BMP2K: variants seen among roughly 807,000 people sequenced by gnomAD.
BMP2K encodes BMP2 inducible kinase.
Under a neutral mutation model 116.0 loss-of-function variants are expected in BMP2K, and 74 were observed. The observed-to-expected ratio is 0.64, with a 90% CI of 0.53 to 0.77. The LOEUF (loss-of-function observed/expected upper bound fraction) is 0.77. BMP2K is among the 30% of genes least tolerant of loss of function. The probability of loss-of-function intolerance (pLI) is 0.00; values close to 1 mark genes in which losing one functional copy is unlikely to be tolerated. For missense variants in BMP2K, 1,365 were observed against 1,403.6 expected (o/e 0.97, Z 0.44); for synonymous variants, 486 against 502.5 (o/e 0.97, Z 0.44).
chr4:78,798,972 T>TA (rs1408310660), intron 1 of BMP2K, among the ~76,000 whole-genome samples: 1 of 152,262 alleles, frequency 6.6e-6, no homozygotes, highest in Admixed American at 6.5e-5. Context: ...ATATCCATAA[T>TA]AACATTATCA....
At position 78,865,647 on chromosome 4, in the gene BMP2K, G is replaced by T; in HGVS notation, c.1158G>T (p.Val386=). ...CTGCTACTACTGCCACTCCCAGTGT[G>T]CTGACCATTCAAAGTTCAGCAACAC... ...ANSATTATPS[V]LTIQSSATPV... is the part of the protein sequence containing the mutation. The change falls in exon 10 of 16, where the codon GTG becomes GTT. Residue 386 remains valine, a synonymous_variant. Coordinates refer to ENST00000502613, the MANE Select transcript of BMP2K (RefSeq NM_198892.2). The T allele has an allele frequency of 1.2e-6, 2 of 1,614,082 alleles. No individual in the cohort carries two copies. The highest frequency in any genetic ancestry group is 2.2e-5 in the South Asian group (2 of 91,072).
intron 15 of BMP2K, among the ~76,000 whole-genome samples, chr4:78,902,031 C>T (rs1306927388): frequency 6.6e-6 from 1 of 152,088 alleles, no homozygotes; most frequent in East Asian, 1.9e-4. Flanking sequence ...GATTGTCAGT[C>T]CAAATGCTGG....
intron 15 of BMP2K, among the ~76,000 whole-genome samples, chr4:78,893,140 A>G (rs1733529603): frequency 6.6e-6 from 1 of 152,218 alleles, no homozygotes; most frequent in African/African-American, 2.4e-5. Context: ...TGTTTATGTA[A>G]TATTCTAAAT....
At chr4:78,869,964 A>G (rs1477146865) in intron 10 of BMP2K, among the ~76,000 whole-genome samples, 8 of 151,890 alleles carry the variant, frequency 5.3e-5, no homozygotes, top group African/African-American at 1.7e-4. Context: ...CCCTCCTTGC[A>G]TTCTCTCCCC....
rs759735850 is a variant in BMP2K, at chr4:78,850,916, G to T, written c.751-8G>T. ...CTCTAATGATATTTATGCTTCTTTG[G>T]TTTACAGGCACTGGGATGTCTACTC... On this transcript the variant is annotated splice_polypyrimidine_tract_variant and splice_region_variant and intron_variant, in intron 6 of 15. Coordinates refer to ENST00000502613, the MANE Select transcript of BMP2K (RefSeq NM_198892.2). 6.2e-7 allele frequency: 1 copy of T among 1,609,720 alleles called. No individual in the cohort carries two copies. The highest frequency in any genetic ancestry group is 1.7e-5 in the Admixed American group (1 of 59,566).
intron 7 of BMP2K, among the ~76,000 whole-genome samples, chr4:78,851,530 A>G (rs1231153908): frequency 1.3e-5 from 2 of 152,074 alleles, no homozygotes; most frequent in Non-Finnish European, 2.9e-5. Flanking sequence ...TTTAACACGG[A>G]GTGTGTCTAG....
intron 1 of BMP2K, among the ~76,000 whole-genome samples, chr4:78,810,629 T>C (rs1227799606): frequency 6.6e-6 from 1 of 152,172 alleles, no homozygotes; most frequent in East Asian, 1.9e-4. Context: ...AGTCTTGGGC[T>C]TTTTGGTGAG....
At chr4:78,868,775 C>A (rs1577942635) in intron 10 of BMP2K, among the ~76,000 whole-genome samples, 1 of 152,292 alleles carries the variant, frequency 6.6e-6, no homozygotes, top group East Asian at 1.9e-4. Flanking sequence ...CCAAAATGAT[C>A]TCCTGTGACT....
Position 78,914,865 on chromosome 4 carries a change from C to T in BMP2K, c.*2832C>T, listed in dbSNP as rs1453024774. ...AAATTATTATGAAGCTAGCAAAAAT[C>T]TTGAGGCCAAAGTTGTTTCTTAACA... On this transcript the variant is annotated 3_prime_UTR_variant, in exon 16 of 16. Transcript: ENST00000502613. The T allele has an allele frequency of 2.6e-5, 4 of 151,764 alleles. No homozygotes were observed. The highest frequency in any genetic ancestry group is 6.6e-5 in the Admixed American group (1 of 15,226). 9.4% of individuals were successfully genotyped at this position (151,764 alleles called of 1,614,324 possible). A position where few individuals can be genotyped will look rare whatever the true frequency, so the allele number is the denominator to read the frequency against.
At chr4:78,808,843 T>C (rs1728946593) in intron 1 of BMP2K, among the ~76,000 whole-genome samples, 1 of 152,210 alleles carries the variant, frequency 6.6e-6, no homozygotes, top group Non-Finnish European at 1.5e-5. Flanking sequence ...TCAGTCTTTT[T>C]AAATTTATGG....
intron 7 of BMP2K, among the ~76,000 whole-genome samples, chr4:78,852,980 A>G (rs1426878292): frequency 6.6e-6 from 1 of 152,116 alleles, no homozygotes; most frequent in African/African-American, 2.4e-5. Flanking sequence ...CTCTGTGTTT[A>G]TAATATGTAA....
intron 7 of BMP2K, among the ~76,000 whole-genome samples, chr4:78,858,456 T>C (rs1731610135): frequency 6.6e-6 from 1 of 151,936 alleles, no homozygotes; most frequent in South Asian, 2.1e-4. Flanking sequence ...GCATTATAAA[T>C]ATATAAAATC....
chr4:78,849,983 G>T (rs17003468), intron 6 of BMP2K, among the ~76,000 whole-genome samples: 12,488 of 151,594 alleles, frequency 0.082, 1,715 homozygotes, highest in African/African-American at 0.29. Flanking sequence ...AAGCTGACTT[G>T]GTAATTTTTA....
chr4:78,887,310 C>A, intron 15 of BMP2K, 26 bp downstream of exon 15: 1 of 1,490,360 alleles, frequency 6.7e-7, no homozygotes, highest in Non-Finnish European at 9.3e-7. Context: ...AACATCATCA[C>A]TGTCACAAAT....
chr4:78,891,603 T>C (rs1266383109), intron 15 of BMP2K, among the ~76,000 whole-genome samples: 1 of 152,224 alleles, frequency 6.6e-6, no homozygotes, highest in Non-Finnish European at 1.5e-5. Context: ...AGAAATTTCC[T>C]TGGCTTTATA....
chr4:78,912,074 A>G lies in BMP2K; in HGVS notation c.*41A>G, dbSNP rs1406395804. The G allele has an allele frequency of 2.0e-6, 3 of 1,519,914 alleles. No homozygotes were observed. Among genetic ancestry groups the G allele is most frequent in the Non-Finnish European group, 2.7e-6 (3 of 1,124,334 alleles). The allele number at this position is 1,519,914 out of a possible 1,614,324, so 94.2% of individuals were successfully genotyped here. A position where few individuals can be genotyped will look rare whatever the true frequency, so the allele number is the denominator to read the frequency against. On this transcript the variant is annotated 3_prime_UTR_variant, in exon 16 of 16. Transcript: ENST00000502613. Reference sequence around the variant, plus strand: ...TCTCGGCATTAACTCCTGTTTCAAAAAAGTGTGAACAGTTTTATGAATTTG... The same window carrying G: ...TCTCGGCATTAACTCCTGTTTCAAAGAAGTGTGAACAGTTTTATGAATTTG...
chr4:78,842,267 G>C, intron 3 of BMP2K, 118 bp from the exon 4 acceptor site: 1 of 790,262 alleles, frequency 1.3e-6, no homozygotes, highest in Non-Finnish European at 1.9e-6. Context: ...ATCCTTACAT[G>C]AGAATTATGA....
intron 2 of BMP2K, 45 bp downstream of exon 2, chr4:78,826,200 AT>A: frequency 6.7e-7 from 1 of 1,489,704 alleles, no homozygotes; most frequent in Non-Finnish European, 9.4e-7. Flanking sequence ...GCAAGTTTTT[AT>A]TTTTTATTTT....
intron 2 of BMP2K, among the ~76,000 whole-genome samples, chr4:78,832,622 A>G (rs940355502): frequency 6.6e-6 from 1 of 152,126 alleles, no homozygotes; most frequent in African/African-American, 2.4e-5. Flanking sequence ...GAGTCAAGAT[A>G]TTATAGTCTT....
Sources: gnomAD v4.1 joint callset for allele counts (sites outside exome capture counted in the v4.1 genomes callset) on GRCh38, gnomAD v4.1.1 for gene constraint, MANE v1.5 for transcripts, NCBI Gene and HGNC (gene_info 2026-07-23, HGNC 2026-07-21) for gene names.